ANK1: variants seen among roughly 807,000 people sequenced by gnomAD.
ANK1 encodes ankyrin 1.
Under a neutral mutation model 210.4 loss-of-function variants are expected in ANK1, and 51 were observed. That is an observed-to-expected ratio of 0.24 (90% CI 0.19 to 0.31). ANK1 has a LOEUF of 0.31. ANK1 is among the 10% of genes least tolerant of loss of function. The pLI is 1.00. For missense variants in ANK1, 2,051 were observed against 2,504.4 expected, an observed-to-expected ratio of 0.82 and a Z score of 3.86; for synonymous variants, 967 against 1,025.9, an observed-to-expected ratio of 0.94 and a Z score of 1.10.
upstream of ANK1, among the ~76,000 whole-genome samples, chr8:41,798,588 G>C (rs555049581): frequency 2.0e-5 from 3 of 152,340 alleles, no homozygotes; most frequent in South Asian, 6.2e-4. Context: ...TGCCCAGAAT[G>C]GCTTTATCAG....
chr8:41,719,212 G>A (rs770638265), intron 10 of ANK1, among the ~76,000 whole-genome samples: 45 of 152,250 alleles, frequency 3.0e-4, no homozygotes, highest in Non-Finnish European at 4.3e-4. Flanking sequence ...CCCTTTACAC[G>A]AGTGCCATGA....
At chr8:41,732,018 A>T (rs1000475175) in intron 3 of ANK1, among the ~76,000 whole-genome samples, 2 of 152,274 alleles carry the variant, frequency 1.3e-5, no homozygotes, top group African/African-American at 4.8e-5. Context: ...GTATCCAGTC[A>T]GAAAGAGCAA....
At chr8:41,766,520 C>A (rs1262147201) in intron 1 of ANK1, among the ~76,000 whole-genome samples, 4 of 152,318 alleles carry the variant, frequency 2.6e-5, no homozygotes, top group African/African-American at 9.6e-5. Flanking sequence ...GACGCCTGAG[C>A]GGAAGTGCTG....
At chr8:41,875,170 T>C (rs1260869497) in intron 1 of ANK1, among the ~76,000 whole-genome samples, 2 of 152,202 alleles carry the variant, frequency 1.3e-5, no homozygotes, top group African/African-American at 4.8e-5. Flanking sequence ...TCCTGTCCTG[T>C]TCCTCCAAGT....
intron 37 of ANK1, among the ~76,000 whole-genome samples, chr8:41,682,267 T>A (rs1260102741): frequency 6.6e-6 from 1 of 152,136 alleles, no homozygotes; most frequent in Non-Finnish European, 1.5e-5. Context: ...TCCACCTCAG[T>A]GCCGACGCAT....
intron 1 of ANK1, among the ~76,000 whole-genome samples, chr8:41,868,350 C>A (rs1006460118): frequency 6.6e-6 from 1 of 152,184 alleles, no homozygotes; most frequent in African/African-American, 2.4e-5. Context: ...AATTATGATA[C>A]CTTACATGTT....
chr8:41,835,793 C>T (rs1444943625), intron 1 of ANK1, among the ~76,000 whole-genome samples: 1 of 152,256 alleles, frequency 6.6e-6, no homozygotes, highest in African/African-American at 2.4e-5. Context: ...CAGAAGTGTG[C>T]TGCCTCCCAG....
intron 1 of ANK1, among the ~76,000 whole-genome samples, chr8:41,793,353 C>T (rs551923417): frequency 6.6e-6 from 1 of 152,272 alleles, no homozygotes; most frequent in Admixed American, 6.5e-5. Flanking sequence ...GCACTCCAGC[C>T]TGGGCAATAC....
chr8:41,786,282 C>T (rs973666713), intron 1 of ANK1, among the ~76,000 whole-genome samples: 1 of 152,130 alleles, frequency 6.6e-6, no homozygotes, highest in Non-Finnish European at 1.5e-5. Context: ...GCTGGAGGGG[C>T]GTCTACAGGC....
chr8:41,735,333 A>T (rs372265976), intron 2 of ANK1, among the ~76,000 whole-genome samples: 4 of 152,226 alleles, frequency 2.6e-5, no homozygotes, highest in East Asian at 3.8e-4. Flanking sequence ...GATTTTAGTC[A>T]GTGAGCAAAC....
intron 1 of ANK1, among the ~76,000 whole-genome samples, chr8:41,862,489 C>A (rs1813459256): frequency 6.6e-6 from 1 of 151,944 alleles, no homozygotes; most frequent in African/African-American, 2.4e-5. Context: ...GATAGAGGAG[C>A]ACCTATTTGA....
chr8:41,858,650 C>T (rs567966604), intron 1 of ANK1, among the ~76,000 whole-genome samples: 5 of 152,328 alleles, frequency 3.3e-5, no homozygotes. Flanking sequence ...TAGATTAGGC[C>T]CGGATTCCGC....
At chr8:41,752,206 C>G (rs535975330) in intron 2 of ANK1, among the ~76,000 whole-genome samples, 1 of 152,162 alleles carries the variant, frequency 6.6e-6, no homozygotes, top group Non-Finnish European at 1.5e-5. Flanking sequence ...ATGTGCCCAT[C>G]CTCTTAGCTA....
intron 1 of ANK1, among the ~76,000 whole-genome samples, chr8:41,774,987 G>A (rs1437050961): frequency 6.6e-6 from 1 of 152,226 alleles, no homozygotes. Flanking sequence ...TATGCGAGGA[G>A]GAGGAGCACA....
In ANK1 at chr8:41,694,935, C is replaced by A. The variant is rs1201153978; in HGVS notation, c.3116-132G>T. 4 of 1,123,120 alleles carry A rather than the reference C, an allele frequency of 3.6e-6. No homozygotes were observed. The highest frequency in any genetic ancestry group is 5.3e-6 in the Non-Finnish European group (4 of 760,426). The allele number at this position is 1,123,120 out of a possible 1,614,324, so 69.6% of individuals were successfully genotyped here. On this transcript the variant is annotated intron_variant, in intron 27 of 42. Coordinates refer to ENST00000289734, the MANE Select transcript of ANK1 (RefSeq NM_000037.4). This position sits in a 1 kb window ranked among gnomAD's most constrained non-coding sequence, Gnocchi z 5.7. ...CCCCAGGTGCCGGGCGGCATAGTGG[C>A]CAGAAGAAGTGGCCAGAAGAAGTGC...
chr8:41,831,773 C>G (rs559214351), intron 1 of ANK1, among the ~76,000 whole-genome samples: 1 of 152,236 alleles, frequency 6.6e-6, no homozygotes, highest in Admixed American at 6.5e-5. Context: ...TTATCACCGC[C>G]CCAGACTGGA....
chr8:41,849,175 C>T (rs923582874), intron 1 of ANK1, among the ~76,000 whole-genome samples: 6 of 152,234 alleles, frequency 3.9e-5, no homozygotes, highest in East Asian at 3.8e-4. Context: ...TGCCCATCTT[C>T]GAAGGCCTAA....
intron 3 of ANK1, among the ~76,000 whole-genome samples, chr8:41,732,674 A>G (rs1248810811): frequency 2.0e-5 from 3 of 151,742 alleles, no homozygotes; most frequent in East Asian, 1.9e-4. Context: ...CGGCCTCCCA[A>G]AGTGCTGGGA....
intron 42 of ANK1, among the ~76,000 whole-genome samples, chr8:41,659,221 C>T (rs115234187): frequency 0.011 from 1,707 of 152,334 alleles, 38 homozygotes; most frequent in African/African-American, 0.039. Context: ...TCGCACCAGA[C>T]AGCACTTCAG....
Sources: allele counts gnomAD v4.1 joint callset (sites outside exome capture counted in the v4.1 genomes callset), GRCh38; gene constraint gnomAD v4.1.1; non-coding constraint Gnocchi (gnomAD v3.1); transcripts MANE v1.5; gene names NCBI Gene and HGNC (gene_info 2026-07-23, HGNC 2026-07-21).